Variants in KREMEN1 observed in about 807,000 individuals in gnomAD.
KREMEN1 encodes kremen protein 1.
In KREMEN1, 30 loss-of-function variants were observed where a neutral mutation model predicts 46.5. That is an observed-to-expected ratio of 0.65 (90% CI 0.48 to 0.88). The LOEUF is 0.88. Ranked by LOEUF, KREMEN1 falls within the 40% of genes least tolerant of loss-of-function variation. The pLI is 0.00. For missense variants in KREMEN1, 533 were observed against 596.9 expected, an observed-to-expected ratio of 0.89 and a Z score of 1.11; for synonymous variants, 214 against 230.6, an observed-to-expected ratio of 0.93 and a Z score of 0.65.
In KREMEN1 at chr22:29,142,017, A is replaced by G; in HGVS notation, c.1282A>G (p.Ile428Val). 1 of 1,613,596 alleles carries G rather than the reference A, an allele frequency of 6.2e-7. No individual in the cohort carries two copies. ...QPGTSGEIWS[I>V]FYKPSTSISI... ...AGGGACTTCGGGGGAAATCTGGAGCATTTTTTACAAGCCTTCCACTTCAAT... is the reference window on the plus strand; with the variant it reads ...AGGGACTTCGGGGGAAATCTGGAGCGTTTTTTACAAGCCTTCCACTTCAAT... Residue 428 changes from isoleucine to valine, a missense_variant, in exon 9 of 9, where the codon ATT becomes GTT. By Grantham distance (29) the Ile-to-Val change is conservative. Coordinates refer to ENST00000400335, the MANE Select transcript of KREMEN1 (RefSeq NM_001039570.3).
intron 6 of KREMEN1, 113 bp from the exon 7 acceptor site, chr22:29,138,511 C>A: frequency 9.1e-7 from 1 of 1,102,764 alleles, no homozygotes; most frequent in Non-Finnish European, 1.4e-6. Context: ...GAAGGAATTG[C>A]ACCCAGAATT....
Position 29,142,649 on chromosome 22 carries a change from G to C in KREMEN1, c.*537G>C. On this transcript the variant is annotated 3_prime_UTR_variant, in exon 9 of 9. Transcript: ENST00000400335. Reference sequence around the variant, plus strand: ...CTCCTGGACATTAGCGAGGTGTAAAGAGGGCAGTGTCTGTGCTGCCCCGGC... The same window carrying C: ...CTCCTGGACATTAGCGAGGTGTAAACAGGGCAGTGTCTGTGCTGCCCCGGC... The C allele has an allele frequency of 1.0e-6, 1 of 985,552 alleles. No homozygotes were observed. The highest frequency in any genetic ancestry group is 1.2e-6 in the Non-Finnish European group (1 of 830,024). 61.1% of individuals were successfully genotyped at this position (985,552 alleles called of 1,614,324 possible).
Position 29,129,098 on chromosome 22 carries a change from T to C in KREMEN1, c.631+3682T>C, listed in dbSNP as rs551549106. 1.4e-4 allele frequency among the ~76,000 whole-genome samples: 22 copies of C among 152,330 alleles called. No homozygotes were observed. The South Asian group carries it at 4.1e-3, about 29-fold the overall frequency. On this transcript the variant is annotated intron_variant, in intron 5 of 8. Transcript: ENST00000400335. ...TCCAGAGGCCCAGATGCCTGTGGTC[T>C]ACAGGACCCCTGACAGCAGCCAGTT...
chr22:29,094,337 T>C lies in KREMEN1; in HGVS notation c.177T>C (p.Phe59=), dbSNP rs757947533. The change falls in exon 2 of 9, where the codon TTT becomes TTC. Residue 59 remains phenylalanine (F), a synonymous_variant. Coordinates refer to ENST00000400335, the MANE Select transcript of KREMEN1 (RefSeq NM_001039570.3). The part of the protein sequence containing the change: ...TALQGGKPCL[F]WNETFQHPYN... The stretch of plus-strand genomic sequence containing the variant: ...TACAAGGCGGGAAGCCATGTCTGTT[T>C]TGGAACGAGACTTTCCAGCATCCAT... The C allele has an allele frequency of 6.2e-7, 1 of 1,614,046 alleles. No individual in the cohort carries two copies. The highest frequency in any genetic ancestry group is 2.2e-5 in the East Asian group (1 of 44,868).
At chr22:29,077,045 A>T (rs1426480077) in intron 1 of KREMEN1, among the ~76,000 whole-genome samples, 1 of 152,240 alleles carries the variant, frequency 6.6e-6, no homozygotes, top group Non-Finnish European at 1.5e-5. Context: ...AATGAGTAAG[A>T]TAAAATATAT....
At chr22:29,106,344 C>CT (rs2038058923) in intron 3 of KREMEN1, among the ~76,000 whole-genome samples, 1 of 151,432 alleles carries the variant, frequency 6.6e-6, no homozygotes, top group Admixed American at 6.6e-5. Context: ...CCTCAGCCTT[C>CT]TGAGTAGCTG....
intron 3 of KREMEN1, among the ~76,000 whole-genome samples, chr22:29,108,464 G>A (rs1157497936): frequency 6.6e-6 from 1 of 152,146 alleles, no homozygotes; most frequent in Non-Finnish European, 1.5e-5. Context: ...GTTGTGCCTG[G>A]GTTTCCTCAT....
At chr22:29,120,493 G>A (rs1205150612) in intron 3 of KREMEN1, among the ~76,000 whole-genome samples, 8 of 122,130 alleles carry the variant, frequency 6.6e-5, no homozygotes, top group African/African-American at 1.6e-4. Context: ...AGGAAGGAGA[G>A]GTGATAAAGG....
At chr22:29,147,435 T>G (rs1307662436), downstream of KREMEN1, among the ~76,000 whole-genome samples, 1 of 152,162 alleles carries the variant, frequency 6.6e-6, no homozygotes, top group Non-Finnish European at 1.5e-5. Context: ...TCGCCATGGG[T>G]ACCACTTTCC....
intron 1 of KREMEN1, among the ~76,000 whole-genome samples, chr22:29,089,318 A>T (rs953862030): frequency 2.0e-4 from 8 of 40,740 alleles, no homozygotes; most frequent in Non-Finnish European, 3.4e-4. Flanking sequence ...ATCACTACTC[A>T]GCTGGTTGCT....
In KREMEN1 at chr22:29,145,334, G is replaced by A; in HGVS notation, c.*3222G>A. On this transcript the variant is annotated 3_prime_UTR_variant, in exon 9 of 9. Coordinates refer to ENST00000400335, the MANE Select transcript of KREMEN1 (RefSeq NM_001039570.3). ...GGCAGAAGACTGCAGGAGAGGCAGG[G>A]GAGGGGCTTCGGGGACCACTGTGGA... 9.1e-6 allele frequency: 9 copies of A among 985,562 alleles called. No individual in the cohort carries two copies. The highest frequency in any genetic ancestry group is 1.1e-5 in the Non-Finnish European group (9 of 830,026). 61.1% of individuals were successfully genotyped at this position (985,562 alleles called of 1,614,324 possible).
intron 9 of KREMEN1, among the ~76,000 whole-genome samples, chr22:29,163,725 A>C (rs980014443): frequency 2.6e-5 from 4 of 152,092 alleles, no homozygotes; most frequent in Admixed American, 2.0e-4. Flanking sequence ...ACAGGTACTC[A>C]GGGACATAAA....
chr22:29,075,536 G>A (rs1324981788), intron 1 of KREMEN1, among the ~76,000 whole-genome samples: 1 of 152,154 alleles, frequency 6.6e-6, no homozygotes. Flanking sequence ...AACTCACTGA[G>A]CCTTGCCAGC....
intron 5 of KREMEN1, among the ~76,000 whole-genome samples, chr22:29,126,259 G>A (rs9613822): frequency 6.6e-6 from 1 of 152,166 alleles, no homozygotes; most frequent in African/African-American, 2.4e-5. Context: ...TGGTTTATTA[G>A]TTTCCTAGGA....
At chr22:29,117,546 A>G (rs4330195) in intron 3 of KREMEN1, among the ~76,000 whole-genome samples, 54,767 of 151,194 alleles carry the variant, frequency 0.36, 11,409 homozygotes, top group East Asian at 0.64. Context: ...CAGCCTGGGC[A>G]ACAGAGCAAG....
chr22:29,117,366 G>A (rs1360299274), intron 3 of KREMEN1, among the ~76,000 whole-genome samples: 1 of 152,158 alleles, frequency 6.6e-6, no homozygotes, highest in Non-Finnish European at 1.5e-5. Flanking sequence ...AGGAGATCGA[G>A]ACCATCCTGG....
At chr22:29,092,104 C>A (rs1029884199) in intron 1 of KREMEN1, among the ~76,000 whole-genome samples, 1 of 152,244 alleles carries the variant, frequency 6.6e-6, no homozygotes, top group South Asian at 2.1e-4. Context: ...TGTGAGAGAA[C>A]AGAAGTGGAA....
In KREMEN1 at chr22:29,138,530, G is replaced by C. The variant is rs75088752; in HGVS notation, c.965-94G>C. The C allele has an allele frequency of 1.8e-3, 2,307 of 1,292,928 alleles. 20 individuals carry two copies. The African/African-American group carries it at 0.026, about 14-fold the overall frequency. 80.1% of individuals were successfully genotyped at this position (1,292,928 alleles called of 1,614,324 possible). On this transcript the variant is annotated intron_variant, in intron 6 of 8. Coordinates refer to ENST00000400335, the MANE Select transcript of KREMEN1 (RefSeq NM_001039570.3). ...GAATTGCACCCAGAATTGAATCAGAGAAGAACTCTTCTTCATAACTCGTGC... is the reference window on the plus strand; with the variant it reads ...GAATTGCACCCAGAATTGAATCAGACAAGAACTCTTCTTCATAACTCGTGC...
At chr22:29,085,585 A>T (rs1160444932) in intron 1 of KREMEN1, among the ~76,000 whole-genome samples, 1 of 152,216 alleles carries the variant, frequency 6.6e-6, no homozygotes, top group South Asian at 2.1e-4. Context: ...TATTTAGGTA[A>T]TGTGAGTCCT....
Sources: gnomAD v4.1 joint callset for allele counts (sites outside exome capture counted in the v4.1 genomes callset) on GRCh38, gnomAD v4.1.1 for gene constraint, MANE v1.5 for transcripts, NCBI Gene and HGNC (gene_info 2026-07-23, HGNC 2026-07-21) for gene names.